The following APC variants were observed in gnomAD, a reference collection of about 807,000 sequenced individuals.
APC encodes the protein adenomatous polyposis coli protein.
APC carries 72 observed loss-of-function variants against 247.0 expected under a neutral mutation model. The ratio of observed to expected loss-of-function variants is 0.29; its 90% CI spans 0.24 to 0.35. The LOEUF is 0.35. Among genes scored for constraint, APC ranks in the 10% least tolerant of loss-of-function variants. APC has a pLI of 1.00. For missense variants in APC, 3,400 were observed against 3,360.7 expected (o/e 1.01, Z -0.29); for synonymous variants, 1,254 against 1,162.5 (o/e 1.08, Z -1.60).
At chr5:112,723,932 G>A (rs1217629262) in intron 1 of APC, among the ~76,000 whole-genome samples, 1 of 151,984 alleles carries the variant, frequency 6.6e-6, no homozygotes, top group African/African-American at 2.4e-5. Flanking sequence ...GGGGGTCCAG[G>A]GTTTAATGAT....
At position 112,844,219 on chromosome 5, in the gene APC, A is replaced by T; in HGVS notation, c.*93A>T. On this transcript the variant is annotated 3_prime_UTR_variant, in exon 16 of 16. Coordinates refer to ENST00000257430, the MANE Select transcript of APC (RefSeq NM_000038.6). The stretch of plus-strand genomic sequence containing the variant: ...AAATGAAACTTTAAAAGACTGAAAA[A>T]TTTTGTAAATAGGTTTGATTCTTGT... 8.2e-7 allele frequency: 1 copy of T among 1,215,322 alleles called. No individual in the cohort carries two copies. The highest frequency in any genetic ancestry group is 1.2e-6 in the Non-Finnish European group (1 of 862,660). The allele number at this position is 1,215,322 out of a possible 1,614,324, so 75.3% of individuals were successfully genotyped here.
intron 6 of APC, among the ~76,000 whole-genome samples, chr5:112,789,256 A>G (rs1284001111): frequency 6.6e-6 from 1 of 152,224 alleles, no homozygotes; most frequent in Non-Finnish European, 1.5e-5. Flanking sequence ...TAAGCATCCT[A>G]ATCCAAAAAT....
At chr5:112,793,388 C>T (rs189154850) in intron 7 of APC, among the ~76,000 whole-genome samples, 1 of 151,986 alleles carries the variant, frequency 6.6e-6, no homozygotes, top group Admixed American at 6.6e-5. Context: ...CTGGAAGGAA[C>T]TTCTATAAGG....
At chr5:112,741,355 T>G (rs1163800150) in intron 1 of APC, among the ~76,000 whole-genome samples, 1 of 152,228 alleles carries the variant, frequency 6.6e-6, no homozygotes, top group Non-Finnish European at 1.5e-5. Context: ...AGAGAATTTT[T>G]GAAAACTAAA....
intron 13 of APC, among the ~76,000 whole-genome samples, chr5:112,828,457 TAAA>T (rs34947690): frequency 1.4e-5 from 2 of 141,412 alleles, no homozygotes; most frequent in Admixed American, 7.0e-5. Flanking sequence ...AGGAGGAATT[TAAA>T]AAAAAAAAAA....
intron 6 of APC, among the ~76,000 whole-genome samples, chr5:112,786,942 C>T (rs928954178): frequency 2.1e-5 from 3 of 139,762 alleles, no homozygotes; most frequent in East Asian, 4.4e-4. Context: ...GGCTGGAGTA[C>T]AGTCATGCAA....
chr5:112,728,484 C>G (rs886262243), intron 1 of APC, among the ~76,000 whole-genome samples: 2 of 152,092 alleles, frequency 1.3e-5, no homozygotes, highest in African/African-American at 4.8e-5. Flanking sequence ...CTCAGGGAAG[C>G]CAAAATATTG....
At chr5:112,830,595 C>T (rs75997944) in intron 14 of APC, among the ~76,000 whole-genome samples, 1 of 152,300 alleles carries the variant, frequency 6.6e-6, no homozygotes, top group South Asian at 2.1e-4. Flanking sequence ...GACTTACACA[C>T]AAACATCCAC....
At position 112,839,391 on chromosome 5, in the gene APC, A is replaced by T. The variant is rs1580640260; in HGVS notation, c.3797A>T (p.Asp1266Val). 1.1e-5 allele frequency: 18 copies of T among 1,614,164 alleles called. No homozygotes were observed. The highest frequency in any genetic ancestry group is 1.5e-5 in the Non-Finnish European group (18 of 1,180,010). The change falls in exon 16 of 16, where the codon GAT (aspartate) becomes GTT (valine). Residue 1266 changes from aspartate to valine, a missense_variant. Transcript: ENST00000257430. This position sits in a 1 kb window ranked among gnomAD's most constrained non-coding sequence, Gnocchi z 5.0. Reference sequence around the variant, plus strand: ...ACAATACAGACTTATTGTGTAGAAGATACTCCAATATGTTTTTCAAGATGT... The same window carrying T: ...ACAATACAGACTTATTGTGTAGAAGTTACTCCAATATGTTTTTCAAGATGT... ...QETIQTYCVE[D>V]TPICFSRCSS...
chr5:112,807,374 T>C (rs918437576), intron 8 of APC, among the ~76,000 whole-genome samples: 9 of 152,122 alleles, frequency 5.9e-5, no homozygotes, highest in African/African-American at 2.2e-4. Flanking sequence ...TTTTATACGT[T>C]ACATTGTTAC....
At chr5:112,712,230 A>G (rs80250256) in intron 1 of APC, among the ~76,000 whole-genome samples, 7,835 of 146,708 alleles carry the variant, frequency 0.053, 540 homozygotes, top group African/African-American at 0.16. Flanking sequence ...ATAAACCATC[A>G]TTTCTGTGGG....
chr5:112,758,527 A>C (rs893042438), intron 2 of APC, among the ~76,000 whole-genome samples: 2 of 151,562 alleles, frequency 1.3e-5, no homozygotes, highest in African/African-American at 2.4e-5. Flanking sequence ...GGGTTTCACT[A>C]TGTTGGCTAG....
intron 9 of APC, among the ~76,000 whole-genome samples, chr5:112,817,764 T>C (rs1762655912): frequency 1.3e-5 from 2 of 152,192 alleles, no homozygotes; most frequent in Admixed American, 6.5e-5. Flanking sequence ...GAAAACCTTG[T>C]TAGGTAGGTA....
At chr5:112,766,462 C>A in intron 3 of APC, 52 bp downstream of exon 3, 2 of 1,278,124 alleles carry the variant, frequency 1.6e-6, no homozygotes, top group South Asian at 1.2e-5. Context: ...AAATTGTCAT[C>A]TTTAGGTGTG....
At chr5:112,821,130 A>G (rs1349086815) in intron 10 of APC, among the ~76,000 whole-genome samples, 1 of 151,298 alleles carries the variant, frequency 6.6e-6, no homozygotes, top group Non-Finnish European at 1.5e-5. Context: ...CAGCCTCCCA[A>G]AGTGCTGGGA....
intron 14 of APC, 41 bp from the exon 15 acceptor site, chr5:112,834,910 T>G (rs749810226): frequency 1.9e-6 from 3 of 1,566,336 alleles, no homozygotes; most frequent in South Asian, 2.2e-5. Context: ...AGAGACAAAT[T>G]CCAACTCTAA....
upstream of APC, among the ~76,000 whole-genome samples, chr5:112,735,116 A>G (rs1051697796): frequency 2.0e-5 from 3 of 152,056 alleles, no homozygotes; most frequent in Non-Finnish European, 2.9e-5. Context: ...AATAAGAGAT[A>G]TGTTTGTCAG....
intron 2 of APC, among the ~76,000 whole-genome samples, chr5:112,761,036 C>A (rs1352178023): frequency 6.6e-6 from 1 of 152,110 alleles, no homozygotes; most frequent in South Asian, 2.1e-4. Flanking sequence ...GTCTTGATCT[C>A]CTGACCTCGT....
rs1412181086 is a variant in APC, at chr5:112,842,826, A to G, written c.7232A>G (p.Asn2411Ser). Residue 2411 changes from asparagine (N) to serine (S), a missense_variant, in exon 16 of 16, where the codon AAT (asparagine) becomes AGT (serine). Asn to Ser is a conservative substitution (Grantham distance 46, BLOSUM62 1). Around this residue, in one of 9 missense-constraint regions of APC, gnomAD observed 1,788 missense variants for 1,649.5 expected, o/e 1.08. Coordinates refer to ENST00000257430, the MANE Select transcript of APC (RefSeq NM_000038.6). Reference protein sequence around the residue: ...LNQMNNGNGANKKVELSRMSS... With the variant: ...LNQMNNGNGASKKVELSRMSS... ...CAGATGAATAATGGTAATGGAGCCA[A>G]TAAAAAGGTAGAACTTTCTAGAATG... 2 of 1,613,690 alleles carry G rather than the reference A, an allele frequency of 1.2e-6. No individual in the cohort carries two copies. Among genetic ancestry groups the G allele is most frequent in the Non-Finnish European group, 1.7e-6 (2 of 1,179,782 alleles).
Sources: gnomAD v4.1 joint callset for allele counts (sites outside exome capture counted in the v4.1 genomes callset) on GRCh38, gnomAD v4.1.1 for gene constraint, gnomAD v4.1.1 regional missense constraint, Gnocchi (gnomAD v3.1) non-coding constraint, MANE v1.5 for transcripts, NCBI Gene and HGNC (gene_info 2026-07-23, HGNC 2026-07-21) for gene names.